SEM1: variants seen among roughly 807,000 people sequenced by gnomAD.
SEM1 encodes the protein 26S proteasome complex subunit SEM1.
Under a neutral mutation model 12.7 loss-of-function variants are expected in SEM1, and 3 were observed. That is an observed-to-expected ratio of 0.24 (90% CI 0.11 to 0.61). SEM1 has a LOEUF of 0.61. Among genes scored for constraint, SEM1 ranks in the 20% least tolerant of loss-of-function variants. The probability of loss-of-function intolerance (pLI) is 0.88; values close to 1 mark genes in which losing one functional copy is unlikely to be tolerated. For synonymous variants in SEM1, 30 were observed against 27.8 expected (o/e 1.08, Z -0.25); for missense variants, 59 against 81.3 (o/e 0.73, Z 1.06).
At chr7:96,588,381 C>CG (rs372627225) in intron 2 of SEM1, among the ~76,000 whole-genome samples, 24,250 of 136,416 alleles carry the variant, frequency 0.18, 2,178 homozygotes, top group Admixed American at 0.26. Flanking sequence ...CACACACACA[C>CG]ACACACACAC....
intron 2 of SEM1, among the ~76,000 whole-genome samples, chr7:96,677,074 G>C (rs1389658402): frequency 6.6e-6 from 1 of 152,062 alleles, no homozygotes; most frequent in African/African-American, 2.4e-5. Context: ...TCACCGAAGG[G>C]AATCACTAAA....
At chr7:96,700,583 G>A (rs1790239865) in intron 1 of SEM1, among the ~76,000 whole-genome samples, 1 of 152,130 alleles carries the variant, frequency 6.6e-6, no homozygotes, top group African/African-American at 2.4e-5. Flanking sequence ...TTCAAACCAT[G>A]TTGTTAAAGG....
At chr7:96,589,774 A>G (rs1295313202) in intron 2 of SEM1, among the ~76,000 whole-genome samples, 2 of 152,196 alleles carry the variant, frequency 1.3e-5, no homozygotes, top group African/African-American at 4.8e-5. Context: ...GACAGTCCCA[A>G]TTTAAAGCAG....
intron 2 of SEM1, among the ~76,000 whole-genome samples, chr7:96,514,338 G>A (rs907141157): frequency 6.6e-5 from 10 of 151,972 alleles, no homozygotes; most frequent in African/African-American, 1.2e-4. Flanking sequence ...TCAGGCTCCC[G>A]ATTAGCTATG....
chr7:96,594,646 T>G (rs1806939793), intron 2 of SEM1, among the ~76,000 whole-genome samples: 4 of 152,222 alleles, frequency 2.6e-5, no homozygotes, highest in Admixed American at 2.6e-4. Flanking sequence ...TTGGCAAAAT[T>G]ATTCTAACAC....
At chr7:96,496,649 A>G (rs1803277740), upstream of SEM1, among the ~76,000 whole-genome samples, 1 of 152,170 alleles carries the variant, frequency 6.6e-6, no homozygotes, top group African/African-American at 2.4e-5. Context: ...CAAAGGGGAA[A>G]CGTAAGATTT....
intron 2 of SEM1, among the ~76,000 whole-genome samples, chr7:96,539,569 A>G (rs1162629234): frequency 6.6e-6 from 1 of 151,842 alleles, no homozygotes; most frequent in Non-Finnish European, 1.5e-5. Flanking sequence ...TTCTATTTAC[A>G]ACTGGAAATG....
chr7:96,511,713 T>G (rs1803940342), intron 2 of SEM1, among the ~76,000 whole-genome samples: 1 of 152,092 alleles, frequency 6.6e-6, no homozygotes, highest in Non-Finnish European at 1.5e-5. Context: ...AAAAAGGGGT[T>G]AAAATTGATG....
rs1014758995 is a variant in SEM1, at chr7:96,623,333, A to G, written c.171-690T>C. ...CTTTCATGGGTTTCCAACTGTAGAC[A>G]GCAGATTGTAGAACATCACCTTCAT... On this transcript the variant is annotated intron_variant, in intron 2 of 2. Coordinates refer to the SEM1 transcript ENST00000417009. 3.3e-5 allele frequency among the ~76,000 whole-genome samples: 5 copies of G among 152,048 alleles called. No individual in the cohort carries two copies. The East Asian group carries it at 9.6e-4, about 29-fold the overall frequency.
chr7:96,702,243 T>C (rs1790295513), intron 1 of SEM1, among the ~76,000 whole-genome samples: 1 of 151,496 alleles, frequency 6.6e-6, no homozygotes, highest in South Asian at 2.1e-4. Flanking sequence ...AACCCATGGT[T>C]TTATACATAC....
intron 2 of SEM1, among the ~76,000 whole-genome samples, chr7:96,576,990 GC>G (rs1398197812): frequency 6.6e-6 from 1 of 152,066 alleles, no homozygotes; most frequent in Non-Finnish European, 1.5e-5. Flanking sequence ...GGTGGCATGT[GC>G]CTGTAATCCC....
At chr7:96,689,058 T>C in intron 2 of SEM1, 92 bp from the exon 3 acceptor site, 2 of 738,894 alleles carry the variant, frequency 2.7e-6, no homozygotes, top group East Asian at 2.8e-5. Context: ...AAATGAGCTA[T>C]GCCTGAGACA....
chr7:96,701,553 T>C (rs1281373987), intron 1 of SEM1, among the ~76,000 whole-genome samples: 5 of 152,198 alleles, frequency 3.3e-5, no homozygotes, highest in Admixed American at 3.3e-4. Flanking sequence ...CAGTCTATGC[T>C]ATTTTGTTAT....
downstream of SEM1, chr7:96,688,122 A>C (rs1216217990): frequency 6.6e-6 from 1 of 152,190 alleles, no homozygotes; most frequent in Non-Finnish European, 1.5e-5. Context: ...CGTACATTTA[A>C]GTCATCACAA....
At chr7:96,697,511 G>A (rs954804364) in intron 1 of SEM1, 1 of 151,920 alleles carries the variant, frequency 6.6e-6, no homozygotes, top group Non-Finnish European at 1.5e-5. Context: ...GCATTTTTGA[G>A]AAAAGTAAAA....
At chr7:96,653,499 G>A (rs796743107) in intron 2 of SEM1, among the ~76,000 whole-genome samples, 8 of 152,304 alleles carry the variant, frequency 5.3e-5, no homozygotes, top group African/African-American at 1.9e-4. Flanking sequence ...GGTAAGAGAG[G>A]TGGGACAGAA....
At chr7:96,579,126 A>G (rs1806300570) in intron 2 of SEM1, among the ~76,000 whole-genome samples, 1 of 152,146 alleles carries the variant, frequency 6.6e-6, no homozygotes, top group Non-Finnish European at 1.5e-5. Flanking sequence ...TTGAATTTTT[A>G]TTTTTCTAAC....
intron 2 of SEM1, among the ~76,000 whole-genome samples, chr7:96,520,130 T>TCATA (rs952016403): frequency 1.3e-5 from 2 of 152,052 alleles, no homozygotes; most frequent in African/African-American, 2.4e-5. Context: ...TGAAGTAGGA[T>TCATA]CATACATACA....
intron 2 of SEM1, among the ~76,000 whole-genome samples, chr7:96,542,087 G>T (rs1804975024): frequency 6.6e-6 from 1 of 150,878 alleles, no homozygotes; most frequent in South Asian, 2.1e-4. Context: ...TCTTTTTTTG[G>T]GGGAGGGGGT....
Sources: gnomAD v4.1 joint callset for allele counts (sites outside exome capture counted in the v4.1 genomes callset) on GRCh38, gnomAD v4.1.1 for gene constraint, MANE v1.5 for transcripts, NCBI Gene and HGNC (gene_info 2026-07-23, HGNC 2026-07-21) for gene names.